The following RAPGEF5 variants were observed in gnomAD, a reference collection of about 807,000 sequenced individuals.
RAPGEF5 encodes Rap guanine nucleotide exchange factor 5.
Under a neutral mutation model 125.2 loss-of-function variants are expected in RAPGEF5, and 65 were observed. The ratio of observed to expected loss-of-function variants is 0.52; its 90% confidence interval spans 0.43 to 0.64. RAPGEF5 has a LOEUF of 0.64. RAPGEF5 is among the 30% of genes least tolerant of loss of function. The probability of loss-of-function intolerance (pLI) is 0.00; values close to 1 mark genes in which losing one functional copy is unlikely to be tolerated. For synonymous variants in RAPGEF5, 391 were observed against 385.9 expected (o/e 1.01, Z -0.16); for missense variants, 958 against 1,048.1 (o/e 0.91, Z 1.19).
intron 25 of RAPGEF5, among the ~76,000 whole-genome samples, chr7:22,124,653 C>T (rs1254588461): frequency 6.6e-6 from 1 of 152,086 alleles, no homozygotes; most frequent in East Asian, 1.9e-4. Context: ...ATATAGACTT[C>T]TATATTGTTG....
chr7:22,214,545 T>C (rs16873182), intron 9 of RAPGEF5, among the ~76,000 whole-genome samples: 26,531 of 152,196 alleles, frequency 0.17, 2,526 homozygotes, highest in Non-Finnish European at 0.22. Flanking sequence ...TGCAGCTATA[T>C]TCCTGGAAAT....
chr7:22,135,255 T>G (rs1324716912), intron 23 of RAPGEF5, among the ~76,000 whole-genome samples: 1 of 152,102 alleles, frequency 6.6e-6, no homozygotes, highest in Non-Finnish European at 1.5e-5. Context: ...GATGAAAGAG[T>G]ATTCCTACTA....
At chr7:22,352,116 G>C (rs1264829046) in intron 1 of RAPGEF5, among the ~76,000 whole-genome samples, 1 of 152,190 alleles carries the variant, frequency 6.6e-6, no homozygotes, top group African/African-American at 2.4e-5. Flanking sequence ...AATCATTCTG[G>C]CTGCTGTAAA....
In RAPGEF5 at chr7:22,291,175, C is replaced by A; in HGVS notation, c.747G>T (p.Ala249=). The part of the protein sequence containing the change: ...SDEILVRLTS[A]VQRELAAVIA... Reference sequence around the variant, plus strand: ...AGGCAGGAAAATTGCATGGTCTTACCGCAGATGTTAGACGCACAAGAATTT... The same window carrying A: ...AGGCAGGAAAATTGCATGGTCTTACAGCAGATGTTAGACGCACAAGAATTT... The change falls in exon 6 of 26, where the codon GCG becomes GCT. Residue 249 remains alanine (A), a splice_region_variant and synonymous_variant. Coordinates refer to ENST00000665637, the MANE Select transcript of RAPGEF5 (RefSeq NM_012294.5). 6.3e-7 allele frequency: 1 copy of A among 1,590,594 alleles called. No homozygotes were observed. The highest frequency in any genetic ancestry group is 1.2e-5 in the South Asian group (1 of 85,452).
At position 22,219,979 on chromosome 7, in the gene RAPGEF5, A is replaced by G. The variant is rs1337907051; in HGVS notation, c.883T>C (p.Cys295Arg). ...ATTTCATCTCTTTCCTGGAGCTTGC[A>G]CATCACCCCTGCCTTAAGAGTTGGA... Reference protein sequence around the residue: ...SVPDSQAGVMCKLQERDEIGR... With the variant: ...SVPDSQAGVMRKLQERDEIGR... The change falls in exon 9 of 26, where the codon TGC becomes CGC. Residue 295 changes from cysteine (C) to arginine (R), a missense_variant. Coordinates refer to ENST00000665637, the MANE Select transcript of RAPGEF5 (RefSeq NM_012294.5). The G allele has an allele frequency of 3.7e-6, 6 of 1,613,456 alleles. No individual in the cohort carries two copies. Among genetic ancestry groups the G allele is most frequent in the Non-Finnish European group, 5.1e-6 (6 of 1,179,662 alleles).
At chr7:22,260,042 C>T (rs939326537) in intron 7 of RAPGEF5, among the ~76,000 whole-genome samples, 1 of 151,918 alleles carries the variant, frequency 6.6e-6, no homozygotes, top group Admixed American at 6.5e-5. Context: ...GGAGATCGTG[C>T]CACTGCACTC....
Position 22,281,529 on chromosome 7 carries a change from A to G in RAPGEF5, c.747+9646T>C, listed in dbSNP as rs555750976. 5.3e-5 allele frequency among the ~76,000 whole-genome samples: 8 copies of G among 152,328 alleles called. No homozygotes were observed. In the South Asian group the frequency reaches 1.2e-3, roughly 24 times the overall value. On this transcript the variant is annotated intron_variant, in intron 6 of 25. Coordinates refer to ENST00000665637, the MANE Select transcript of RAPGEF5 (RefSeq NM_012294.5). Reference sequence around the variant, plus strand: ...GCACCTGGTGAAGAAGATAATATCTAAAGCCGTCTTCCCTTCTATCCTTGT... The same window carrying G: ...GCACCTGGTGAAGAAGATAATATCTGAAGCCGTCTTCCCTTCTATCCTTGT...
chr7:22,194,585 A>C (rs1785102213), intron 9 of RAPGEF5: 1 of 984,832 alleles, frequency 1.0e-6, no homozygotes, highest in Non-Finnish European at 1.2e-6. Flanking sequence ...CATTCAATTC[A>C]ATTTTTTTTT....
chr7:22,145,619 C>G (rs1783410126), intron 19 of RAPGEF5, among the ~76,000 whole-genome samples: 1 of 152,192 alleles, frequency 6.6e-6, no homozygotes, highest in African/African-American at 2.4e-5. Context: ...CAGGTCTGTT[C>G]TCTAAGACAG....
In RAPGEF5 at chr7:22,267,014, T is replaced by C. The variant is rs756522579; in HGVS notation, c.748-2A>G. 6.2e-7 allele frequency: 1 copy of C among 1,605,844 alleles called. No homozygotes were observed. Among genetic ancestry groups the C allele is most frequent in the Non-Finnish European group, 8.5e-7 (1 of 1,173,994 alleles). On this transcript the variant is annotated splice_acceptor_variant, in intron 6 of 25. Transcript: ENST00000665637. LOFTEE classifies it high-confidence loss of function. ...AACAGCTGCTAGCTCTCTCTGCACC[T>C]AATAAAATATTAGGGGGGAAAATCA...
At chr7:22,250,116 C>T (rs1004441954) in intron 7 of RAPGEF5, among the ~76,000 whole-genome samples, 122 of 152,170 alleles carry the variant, frequency 8.0e-4, no homozygotes, top group Non-Finnish European at 9.4e-4. Flanking sequence ...TAAAATGTAC[C>T]ACTTAAGCTG....
At chr7:22,177,810 C>T (rs1784554622) in intron 11 of RAPGEF5, among the ~76,000 whole-genome samples, 1 of 152,146 alleles carries the variant, frequency 6.6e-6, no homozygotes, top group Admixed American at 6.5e-5. Flanking sequence ...TCTTTCATTA[C>T]ACTATGCTCT....
At chr7:22,197,107 G>A (rs1167426070) in intron 9 of RAPGEF5, among the ~76,000 whole-genome samples, 2 of 152,104 alleles carry the variant, frequency 1.3e-5, no homozygotes, top group East Asian at 3.9e-4. Flanking sequence ...GGAGACCCCA[G>A]GAGAAAGCCT....
intron 1 of RAPGEF5, among the ~76,000 whole-genome samples, chr7:22,339,713 T>C (rs906489213): frequency 1.3e-5 from 2 of 152,234 alleles, no homozygotes; most frequent in Admixed American, 1.3e-4. Context: ...CCCAAAGCTA[T>C]TATAATTGTT....
In RAPGEF5 at chr7:22,145,191, T is replaced by A. The variant is rs779753976; in HGVS notation, c.2039A>T (p.Gln680Leu). The change falls in exon 20 of 26, where the codon CAG (glutamine) becomes CTG (leucine). Residue 680 changes from glutamine (Q) to leucine (L), a missense_variant. Gln to Leu is a moderately radical substitution (Grantham distance 113, BLOSUM62 -2). Coordinates refer to ENST00000665637, the MANE Select transcript of RAPGEF5 (RefSeq NM_012294.5). Reference sequence around the variant, plus strand: ...ATTTGCAGTGTGTTCCCCACTTCCCTGTCTGCTGAACGTGAAGTAGATCAG... The same window carrying A: ...ATTTGCAGTGTGTTCCCCACTTCCCAGTCTGCTGAACGTGAAGTAGATCAG... ...QELIYFTFSR[Q>L]GSGEHTANLS... 2 of 1,613,010 alleles carry A rather than the reference T, an allele frequency of 1.2e-6. No individual in the cohort carries two copies. The highest frequency in any genetic ancestry group is 2.2e-5 in the South Asian group (2 of 90,748).
intron 9 of RAPGEF5, among the ~76,000 whole-genome samples, chr7:22,205,374 G>A (rs1583480652): frequency 6.6e-6 from 1 of 152,120 alleles, no homozygotes; most frequent in East Asian, 1.9e-4. Flanking sequence ...CCTGAAGCTG[G>A]TAAAACTTTG....
chr7:22,162,700 G>A (rs950309218), intron 12 of RAPGEF5, among the ~76,000 whole-genome samples, 159 bp from the exon 13 acceptor site: 1 of 152,196 alleles, frequency 6.6e-6, no homozygotes, highest in Admixed American at 6.5e-5. Flanking sequence ...GCACTGAGAA[G>A]AGCAAAAGTA....
chr7:22,320,982 C>T (rs538214521), intron 1 of RAPGEF5, among the ~76,000 whole-genome samples: 2 of 152,032 alleles, frequency 1.3e-5, no homozygotes, highest in South Asian at 4.2e-4. Flanking sequence ...AATATAATGC[C>T]CAAAGTGATG....
intron 11 of RAPGEF5, among the ~76,000 whole-genome samples, chr7:22,187,038 C>T (rs1248808876): frequency 3.3e-5 from 5 of 152,168 alleles, no homozygotes; most frequent in Admixed American, 3.3e-4. Flanking sequence ...GCCACTGAGC[C>T]TTGGATTCTA....
Sources: gnomAD v4.1 joint callset for allele counts (sites outside exome capture counted in the v4.1 genomes callset) on GRCh38, gnomAD v4.1.1 for gene constraint, MANE v1.5 for transcripts, NCBI Gene and HGNC (gene_info 2026-07-23, HGNC 2026-07-21) for gene names.